The following DCUN1D4 variants were observed in gnomAD, a reference collection of about 807,000 sequenced individuals.
The protein encoded by DCUN1D4 is defective in cullin neddylation 1 domain containing 4.
DCUN1D4 carries 22 observed loss-of-function variants against 47.9 expected under a neutral mutation model. The observed-to-expected ratio is 0.46, with a 90% CI of 0.33 to 0.66. DCUN1D4 has a LOEUF of 0.66. Among genes scored for constraint, DCUN1D4 ranks in the 30% least tolerant of loss-of-function variants. DCUN1D4 has a pLI of 0.02. For synonymous variants in DCUN1D4, 121 were observed against 112.2 expected (o/e 1.08, Z -0.50); for missense variants, 301 against 340.8 (o/e 0.88, Z 0.92).
At chr4:51,910,416 A>G (rs982947593) in intron 8 of DCUN1D4, among the ~76,000 whole-genome samples, 2 of 152,134 alleles carry the variant, frequency 1.3e-5, no homozygotes, top group Non-Finnish European at 1.5e-5. Flanking sequence ...GTATTTTACT[A>G]GGAAATTTAC....
intron 5 of DCUN1D4, among the ~76,000 whole-genome samples, chr4:51,885,902 A>G (rs1729411608): frequency 6.6e-6 from 1 of 152,228 alleles, no homozygotes; most frequent in Non-Finnish European, 1.5e-5. Flanking sequence ...CAATGGTCAG[A>G]TAAAACAAAG....
At chr4:51,865,741 A>G (rs1010905666) in intron 3 of DCUN1D4, among the ~76,000 whole-genome samples, 12 of 152,110 alleles carry the variant, frequency 7.9e-5, no homozygotes, top group African/African-American at 2.9e-4. Flanking sequence ...CACCTTCTCT[A>G]AATTGGTTCA....
intron 1 of DCUN1D4, among the ~76,000 whole-genome samples, chr4:51,846,430 C>T (rs952362138): frequency 2.0e-5 from 3 of 152,176 alleles, no homozygotes; most frequent in Admixed American, 6.5e-5. Flanking sequence ...ACTCTGTGTA[C>T]CCCTACTGGC....
chr4:51,907,785 G>T (rs1403594056), intron 8 of DCUN1D4, among the ~76,000 whole-genome samples: 1 of 152,086 alleles, frequency 6.6e-6, no homozygotes, highest in Non-Finnish European at 1.5e-5. Flanking sequence ...CTTTGATTTA[G>T]CAGATCTGGA....
At chr4:51,909,730 G>A (rs924690391) in intron 8 of DCUN1D4, among the ~76,000 whole-genome samples, 1 of 152,168 alleles carries the variant, frequency 6.6e-6, no homozygotes, top group African/African-American at 2.4e-5. Context: ...CTTAAGTTAT[G>A]TGACCTCTGA....
At chr4:51,890,880 A>G (rs1730317544) in intron 6 of DCUN1D4, among the ~76,000 whole-genome samples, 1 of 152,242 alleles carries the variant, frequency 6.6e-6, no homozygotes, top group Non-Finnish European at 1.5e-5. Context: ...AGCTAAGGAA[A>G]AAGTAGTAAG....
chr4:51,838,631 C>T (rs886939704), upstream of DCUN1D4, among the ~76,000 whole-genome samples: 1 of 152,192 alleles, frequency 6.6e-6, no homozygotes, highest in Non-Finnish European at 1.5e-5. Flanking sequence ...GATCCACCCA[C>T]CTCAGCCTCC....
intron 1 of DCUN1D4, chr4:51,848,110 C>G: frequency 1.1e-6 from 1 of 947,292 alleles, no homozygotes; most frequent in Admixed American, 3.0e-5. Flanking sequence ...TTAGATTTTT[C>G]TTCAAGGAAC....
At chr4:51,900,530 T>G (rs1023128498) in intron 8 of DCUN1D4, among the ~76,000 whole-genome samples, 4 of 152,136 alleles carry the variant, frequency 2.6e-5, no homozygotes, top group African/African-American at 9.7e-5. Context: ...AGCCAGAAGT[T>G]TGAGACCAGC....
intron 1 of DCUN1D4, chr4:51,843,682 G>T: frequency 2.4e-6 from 3 of 1,245,644 alleles, no homozygotes; most frequent in Non-Finnish European, 3.0e-6. Flanking sequence ...GAGCGAGCGG[G>T]GCACAAGGGT....
At chr4:51,908,939 A>T (rs767447218) in intron 8 of DCUN1D4, 2 of 456,270 alleles carry the variant, frequency 4.4e-6, no homozygotes, top group South Asian at 3.1e-5. Flanking sequence ...GGTGTTAGTG[A>T]TTGCGAGCTG....
chr4:51,868,855 C>G (rs1479097742), intron 3 of DCUN1D4, among the ~76,000 whole-genome samples: 1 of 152,110 alleles, frequency 6.6e-6, no homozygotes, highest in East Asian at 1.9e-4. Context: ...TGTGGTGGCT[C>G]ACGCCTGTAA....
intron 7 of DCUN1D4, among the ~76,000 whole-genome samples, chr4:51,899,032 A>T (rs901909650): frequency 2.0e-5 from 3 of 152,236 alleles, no homozygotes; most frequent in Admixed American, 6.5e-5. Context: ...GAGAGTACAT[A>T]AATATAAAAA....
At chr4:51,896,063 T>C (rs1731221764) in intron 7 of DCUN1D4, among the ~76,000 whole-genome samples, 1 of 152,218 alleles carries the variant, frequency 6.6e-6, no homozygotes, top group South Asian at 2.1e-4. Context: ...GTCCAGGGGC[T>C]TTGTGTGTTC....
At chr4:51,845,102 A>G (rs1722326809) in intron 1 of DCUN1D4, 17 of 985,448 alleles carry the variant, frequency 1.7e-5, no homozygotes, top group Non-Finnish European at 2.0e-5. Flanking sequence ...TTGTACCATC[A>G]TGCGCACGGG....
chr4:51,852,613 C>G (rs1300239789), intron 1 of DCUN1D4, among the ~76,000 whole-genome samples: 4 of 152,140 alleles, frequency 2.6e-5, no homozygotes, highest in Non-Finnish European at 4.4e-5. Context: ...TTTTGTAGTT[C>G]TAGGTTCAGT....
At chr4:51,902,766 A>G (rs920362354) in intron 8 of DCUN1D4, among the ~76,000 whole-genome samples, 19 of 151,842 alleles carry the variant, frequency 1.3e-4, no homozygotes, top group South Asian at 8.3e-4. Context: ...CTCGCTTGCT[A>G]TTTTTTCTCT....
chr4:51,850,799 A>C (rs893978587), intron 1 of DCUN1D4, among the ~76,000 whole-genome samples: 1 of 151,984 alleles, frequency 6.6e-6, no homozygotes, highest in Non-Finnish European at 1.5e-5. Flanking sequence ...TAAATAGTGG[A>C]GCCAGGAAAG....
At chr4:51,903,226 T>A (rs1732381535) in intron 8 of DCUN1D4, among the ~76,000 whole-genome samples, 1 of 152,112 alleles carries the variant, frequency 6.6e-6, no homozygotes. Flanking sequence ...CTAGATCTGC[T>A]GGTGATGAGT....
Sources: gnomAD v4.1 joint callset for allele counts (sites outside exome capture counted in the v4.1 genomes callset) on GRCh38, gnomAD v4.1.1 for gene constraint, MANE v1.5 for transcripts, NCBI Gene and HGNC (gene_info 2026-07-23, HGNC 2026-07-21) for gene names.